The following CD1B variants were observed in gnomAD, a reference collection of about 807,000 sequenced individuals.
CD1B encodes the protein T-cell surface glycoprotein CD1b.
CD1B carries 43 observed loss-of-function variants against 39.8 expected under a neutral mutation model. That is an observed-to-expected ratio of 1.08 (90% CI 0.85 to 1.39). The LOEUF (loss-of-function observed/expected upper bound fraction) is 1.39. Ranked by LOEUF, CD1B falls within the 40% of genes most tolerant of loss-of-function variation. The pLI is 0.00. For synonymous variants in CD1B, 192 were observed against 152.5 expected (o/e 1.26, Z -1.91); for missense variants, 495 against 403.8 (o/e 1.23, Z -1.94).
the CD1B span, chr1:158,292,393 G>T: frequency 1.9e-6 from 3 of 1,596,328 alleles, no homozygotes; most frequent in Non-Finnish European, 2.6e-6. Context: ...CTTCCTCTAA[G>T]ATTTTTCTAT....
downstream of CD1B, among the ~76,000 whole-genome samples, chr1:158,323,054 C>A (rs1652242615): frequency 1.3e-5 from 2 of 151,996 alleles, no homozygotes; most frequent in Non-Finnish European, 2.9e-5. Context: ...GTAAAATTTT[C>A]TTTTATGATT....
chr1:158,292,590 C>T, the CD1B span: 2 of 1,611,764 alleles, frequency 1.2e-6, no homozygotes, highest in Admixed American at 1.7e-5. Context: ...TTTCTGCTCT[C>T]TGCAGTGAGG....
At chr1:158,293,959 T>C in the CD1B span, among the ~76,000 whole-genome samples, 1 of 152,240 alleles carries the variant, frequency 6.6e-6, no homozygotes, top group African/African-American at 2.4e-5. Context: ...AATGTTGTTG[T>C]AGCATTGGAA....
chr1:158,320,534 A>C, the CD1B span, among the ~76,000 whole-genome samples: 1 of 152,028 alleles, frequency 6.6e-6, no homozygotes, highest in East Asian at 1.9e-4. Context: ...CGGTGTGCGC[A>C]CCCACTGACC....
the CD1B span, chr1:158,292,477 G>A: frequency 1.3e-6 from 2 of 1,486,942 alleles, no homozygotes; most frequent in Non-Finnish European, 1.8e-6. Flanking sequence ...GGGGGTTGCT[G>A]GGTAATAGTT....
rs748373854 is a variant in CD1B at position 158,329,429 on chromosome 1, C to G, written c.827G>C (p.Gly276Ala). 2 of 1,614,172 alleles carry G rather than the reference C, an allele frequency of 1.2e-6. No individual in the cohort carries two copies. The highest frequency in any genetic ancestry group is 1.7e-6 in the Non-Finnish European group (2 of 1,180,034). The change falls in exon 4 of 6, where the codon GGC becomes GCC. Residue 276 changes from glycine (G) to alanine (A), a missense_variant. Physicochemically the swap from Gly to Ala is moderately conservative, Grantham distance 60 (BLOSUM62 0). Transcript: ENST00000368168. ...GCTGTGCTTCACCCGACAGGACAGG[C>G]CAGCCGCCTCCCCATCTGCCACATC... ...TLDVADGEAA[G>A]LSCRVKHSSL...
At chr1:158,316,950 T>C in the CD1B span, among the ~76,000 whole-genome samples, 1 of 151,258 alleles carries the variant, frequency 6.6e-6, no homozygotes, top group Non-Finnish European at 1.5e-5. Context: ...GTTTATATGC[T>C]GGATTACATT....
At chr1:158,311,731 C>A in the CD1B span, among the ~76,000 whole-genome samples, 4 of 152,104 alleles carry the variant, frequency 2.6e-5, no homozygotes, top group Non-Finnish European at 5.9e-5. Flanking sequence ...TCAGTTTTCC[C>A]AGCACTATTT....
the CD1B span, among the ~76,000 whole-genome samples, chr1:158,286,388 A>G: frequency 6.6e-6 from 1 of 152,224 alleles, no homozygotes; most frequent in African/African-American, 2.4e-5. Flanking sequence ...TTCCCTTCTT[A>G]CACTACCTCC....
downstream of CD1B, among the ~76,000 whole-genome samples, chr1:158,327,042 C>T (rs988712106): frequency 6.6e-6 from 1 of 152,202 alleles, no homozygotes; most frequent in African/African-American, 2.4e-5. Flanking sequence ...GGTGATCCAC[C>T]TGCCTCGGCC....
At chr1:158,293,955 G>A in the CD1B span, among the ~76,000 whole-genome samples, 5 of 152,102 alleles carry the variant, frequency 3.3e-5, no homozygotes, top group Non-Finnish European at 7.4e-5. Flanking sequence ...TCCCAATGTT[G>A]TTGTAGCATT....
At chr1:158,292,670 G>C in the CD1B span, 12 of 1,613,904 alleles carry the variant, frequency 7.4e-6, no homozygotes, top group Non-Finnish European at 9.3e-6. Flanking sequence ...TCATGCCTCC[G>C]GCTTCTACCC....
the CD1B span, among the ~76,000 whole-genome samples, chr1:158,317,605 A>G: frequency 2.1e-3 from 317 of 152,146 alleles, no homozygotes; most frequent in African/African-American, 7.4e-3. Flanking sequence ...TGATCCTTTC[A>G]AAAAACCAGC....
At chr1:158,289,296 A>T in the CD1B span, among the ~76,000 whole-genome samples, 1 of 152,230 alleles carries the variant, frequency 6.6e-6, no homozygotes, top group Non-Finnish European at 1.5e-5. Context: ...ACTGGTATCA[A>T]CCATGTACTA....
the CD1B span, chr1:158,289,652 G>C: frequency 6.4e-6 from 1 of 156,286 alleles, no homozygotes; most frequent in South Asian, 2.0e-4. Context: ...GGAGAAACTG[G>C]AAGAACTGTG....
At chr1:158,292,031 G>T in the CD1B span, 1 of 1,549,918 alleles carries the variant, frequency 6.5e-7, no homozygotes, top group Non-Finnish European at 8.7e-7. Context: ...TTTTTATACT[G>T]TTGTTTTCAC....
chr1:158,286,402 C>T, the CD1B span, among the ~76,000 whole-genome samples: 1 of 152,336 alleles, frequency 6.6e-6, no homozygotes, highest in East Asian at 1.9e-4. Context: ...TACCTCCACC[C>T]TTCCTTTTTA....
chr1:158,312,401 C>T, the CD1B span, among the ~76,000 whole-genome samples: 6 of 152,198 alleles, frequency 3.9e-5, no homozygotes, highest in African/African-American at 9.7e-5. Context: ...ACCCCAGCTA[C>T]GTGGAACTGT....
chr1:158,299,182 T>C, the CD1B span, among the ~76,000 whole-genome samples: 1 of 152,156 alleles, frequency 6.6e-6, no homozygotes, highest in Non-Finnish European at 1.5e-5. Context: ...TTTTGAGATA[T>C]GTTCCATCAA....
Sources: gnomAD v4.1 joint callset for allele counts (sites outside exome capture counted in the v4.1 genomes callset) on GRCh38, gnomAD v4.1.1 for gene constraint, MANE v1.5 for transcripts, NCBI Gene and HGNC (gene_info 2026-07-23, HGNC 2026-07-21) for gene names.